The following RORA variants were observed in gnomAD, a reference collection of about 807,000 sequenced individuals.
RORA encodes the protein nuclear receptor ROR-alpha.
A neutral mutation model predicts 69.5 loss-of-function variants in RORA; 7 were observed. That is an observed-to-expected ratio of 0.10 (90% confidence interval 0.06 to 0.19). The LOEUF (loss-of-function observed/expected upper bound fraction) is 0.19. Among genes scored for constraint, RORA ranks in the 10% least tolerant of loss-of-function variants. The probability of loss-of-function intolerance (pLI) is 1.00; values close to 1 mark genes in which losing one functional copy is unlikely to be tolerated. For synonymous variants in RORA, 261 were observed against 240.8 expected, an observed-to-expected ratio of 1.08 and a Z score of -0.78; for missense variants, 457 against 663.0, an observed-to-expected ratio of 0.69 and a Z score of 3.41.
At chr15:61,026,891 G>A (rs1177377822) in intron 1 of RORA, among the ~76,000 whole-genome samples, 1 of 151,952 alleles carries the variant, frequency 6.6e-6, no homozygotes, top group Non-Finnish European at 1.5e-5. Context: ...AAAATACGTT[G>A]TATTTTCTTT....
intron 1 of RORA, among the ~76,000 whole-genome samples, chr15:60,805,335 A>T (rs2140361493): frequency 6.6e-6 from 1 of 152,394 alleles, no homozygotes; most frequent in South Asian, 2.1e-4. Context: ...GTCATAGGAA[A>T]GACAGAGAGA....
chr15:61,073,734 C>T (rs977258112), intron 1 of RORA, among the ~76,000 whole-genome samples: 4 of 152,152 alleles, frequency 2.6e-5, no homozygotes, highest in South Asian at 2.1e-4. Context: ...AATTATGCTT[C>T]GTCCATCTTT....
chr15:60,677,160 A>T (rs1438190402), intron 2 of RORA: 11 of 455,978 alleles, frequency 2.4e-5, no homozygotes, highest in Non-Finnish European at 3.5e-5. Flanking sequence ...CCACCTCTAG[A>T]GTGGGTCCCT....
At chr15:61,164,835 T>C (rs1412087822) in intron 1 of RORA, among the ~76,000 whole-genome samples, 2 of 152,064 alleles carry the variant, frequency 1.3e-5, no homozygotes, top group Non-Finnish European at 2.9e-5. Context: ...ACAGAAAAAA[T>C]ATAAATGTTC....
chr15:60,903,913 C>T (rs1010735391), intron 1 of RORA, among the ~76,000 whole-genome samples: 16 of 152,160 alleles, frequency 1.1e-4, no homozygotes, highest in Admixed American at 6.5e-4. Flanking sequence ...TGTGGGGGTA[C>T]ATTTTGCATT....
chr15:60,759,093 C>CTGAA (rs2071844577), intron 1 of RORA, among the ~76,000 whole-genome samples: 1 of 152,182 alleles, frequency 6.6e-6, no homozygotes, highest in Non-Finnish European at 1.5e-5. Context: ...CAATCAAATG[C>CTGAA]TGAATGAATA....
At chr15:60,911,369 G>C (rs11853391) in intron 1 of RORA, among the ~76,000 whole-genome samples, 3,087 of 152,182 alleles carry the variant, frequency 0.02, 101 homozygotes, top group South Asian at 0.087. Context: ...CCATTTCCAC[G>C]GCCATGTTTG....
At chr15:60,883,754 AAAAGT>A (rs1399773502) in intron 1 of RORA, among the ~76,000 whole-genome samples, 4 of 152,232 alleles carry the variant, frequency 2.6e-5, no homozygotes, top group Non-Finnish European at 4.4e-5. Context: ...TGTTTGTGCA[AAAAGT>A]AAAGGAACAG....
At chr15:61,097,293 T>C (rs2140736232) in intron 1 of RORA, among the ~76,000 whole-genome samples, 1 of 152,316 alleles carries the variant, frequency 6.6e-6, no homozygotes, top group Middle Eastern at 3.4e-3. Context: ...ATATCTAAAT[T>C]GTAATAGGCT....
chr15:60,707,282 CA>C (rs1429192746), intron 1 of RORA, among the ~76,000 whole-genome samples: 9 of 152,270 alleles, frequency 5.9e-5, no homozygotes, highest in Admixed American at 5.9e-4. Context: ...GCTTGCCCCT[CA>C]TACAAGTACG....
intron 1 of RORA, among the ~76,000 whole-genome samples, chr15:60,908,566 A>G (rs1191967867): frequency 6.6e-6 from 1 of 152,212 alleles, no homozygotes; most frequent in Non-Finnish European, 1.5e-5. Context: ...TGGAAAAACC[A>G]GAAGAGTCAT....
At chr15:60,976,386 T>C (rs1418934898) in intron 1 of RORA, among the ~76,000 whole-genome samples, 1 of 152,140 alleles carries the variant, frequency 6.6e-6, no homozygotes, top group Non-Finnish European at 1.5e-5. Flanking sequence ...AACAATCCTG[T>C]ATAAAATGAG....
At chr15:60,921,976 C>A (rs1049568808) in intron 1 of RORA, among the ~76,000 whole-genome samples, 6 of 152,176 alleles carry the variant, frequency 3.9e-5, no homozygotes, top group African/African-American at 1.4e-4. Context: ...CCATGGACCC[C>A]GTCACTGAGC....
chr15:60,892,552 G>C (rs964015579), intron 1 of RORA, among the ~76,000 whole-genome samples: 1 of 152,052 alleles, frequency 6.6e-6, no homozygotes, highest in African/African-American at 2.4e-5. Context: ...CTATTACCCA[G>C]GTTAAAATGA....
At chr15:61,025,057 G>A (rs1895731731) in intron 1 of RORA, among the ~76,000 whole-genome samples, 1 of 152,192 alleles carries the variant, frequency 6.6e-6, no homozygotes, top group African/African-American at 2.4e-5. Context: ...GATCTCCGAA[G>A]TTTTAGGCCC....
At chr15:60,619,723 C>G (rs1271183821) in intron 2 of RORA, among the ~76,000 whole-genome samples, 1 of 152,194 alleles carries the variant, frequency 6.6e-6, no homozygotes, top group East Asian at 1.9e-4. Context: ...TATTATCACA[C>G]AAGGATCATC....
At chr15:61,077,522 C>A (rs972003318) in intron 1 of RORA, among the ~76,000 whole-genome samples, 3 of 152,110 alleles carry the variant, frequency 2.0e-5, no homozygotes, top group African/African-American at 7.2e-5. Flanking sequence ...TACTGCCCTT[C>A]CATCCAAAGC....
Position 60,733,274 on chromosome 15 carries a change from G to A in RORA, c.167-54588C>T, listed in dbSNP as rs190838444. Among the ~76,000 whole-genome samples the A allele has an allele frequency of 1.3e-3, 202 of 152,216 alleles. 2 individuals carry two copies. The highest frequency in any genetic ancestry group is 4.7e-3 in the African/African-American group (197 of 41,526). Reference sequence around the variant, plus strand: ...TTTCTTTGAATTAGTAAAAACTACCGACTGTAGAGGCCAAAAATGAGGCAC... The same window carrying A: ...TTTCTTTGAATTAGTAAAAACTACCAACTGTAGAGGCCAAAAATGAGGCAC... On this transcript the variant is annotated intron_variant, in intron 1 of 10. Transcript: ENST00000335670.
intron 6 of RORA, among the ~76,000 whole-genome samples, chr15:60,504,794 G>A (rs914246325): frequency 2.0e-5 from 3 of 152,116 alleles, no homozygotes; most frequent in Non-Finnish European, 4.4e-5. Context: ...AGAATGGTCT[G>A]GATCTTTTTC....
Sources: gnomAD v4.1 joint callset for allele counts (sites outside exome capture counted in the v4.1 genomes callset) on GRCh38, gnomAD v4.1.1 for gene constraint, MANE v1.5 for transcripts, NCBI Gene and HGNC (gene_info 2026-07-23, HGNC 2026-07-21) for gene names.